Variants in NDUFS4 observed in about 807,000 individuals in gnomAD.
NDUFS4 encodes the protein NADH:ubiquinone oxidoreductase subunit S4, also known as NADH dehydrogenase [ubiquinone] iron-sulfur protein 4, mitochondrial.
A neutral mutation model predicts 24.3 loss-of-function variants in NDUFS4; 28 were observed. The ratio of observed to expected loss-of-function variants is 1.15; its 90% CI spans 0.85 to 1.58. The LOEUF (loss-of-function observed/expected upper bound fraction) is 1.58. Among genes scored for constraint, NDUFS4 ranks in the 40% most tolerant of loss-of-function variants. The pLI is 0.00. For synonymous variants in NDUFS4, 93 were observed against 69.7 expected (o/e 1.34, Z -1.67); for missense variants, 223 against 207.9 (o/e 1.07, Z -0.45).
rs556664568 is a variant in NDUFS4, at chr5:53,654,078, A to G, written c.351-4473A>G. Among the ~76,000 whole-genome samples the G allele has an allele frequency of 3.3e-5, 5 of 152,222 alleles. No homozygotes were observed. In the East Asian group the frequency reaches 9.7e-4, roughly 29 times the overall value. On this transcript the variant is annotated intron_variant, in intron 3 of 4. Transcript: ENST00000296684. ...GCTAGAATTTGCAAAGTTGAGTATC[A>G]TTCATGATATTCAACATCCTTATTC...
intron 1 of NDUFS4, among the ~76,000 whole-genome samples, chr5:53,564,338 T>C (rs1748952097): frequency 6.6e-6 from 1 of 152,214 alleles, no homozygotes; most frequent in Non-Finnish European, 1.5e-5. Flanking sequence ...TCACTTCTAC[T>C]TCAGATAAAC....
intron 2 of NDUFS4, among the ~76,000 whole-genome samples, chr5:53,616,549 G>A (rs1260029241): frequency 6.6e-6 from 1 of 152,010 alleles, no homozygotes; most frequent in East Asian, 1.9e-4. Context: ...TTTGAGTAAA[G>A]GGAAAAGCTA....
At chr5:53,638,600 C>G (rs906091672) in intron 2 of NDUFS4, among the ~76,000 whole-genome samples, 6 of 151,994 alleles carry the variant, frequency 3.9e-5, no homozygotes, top group Non-Finnish European at 8.8e-5. Flanking sequence ...CTATCAGGTA[C>G]TATGCTTAGT....
intron 2 of NDUFS4, among the ~76,000 whole-genome samples, chr5:53,644,168 G>T (rs1336179337): frequency 6.6e-6 from 1 of 152,106 alleles, no homozygotes; most frequent in Non-Finnish European, 1.5e-5. Flanking sequence ...ATGCATCACA[G>T]TATAGAAGTA....
intron 1 of NDUFS4, among the ~76,000 whole-genome samples, chr5:53,602,509 C>T (rs931523364): frequency 6.6e-6 from 1 of 151,972 alleles, no homozygotes; most frequent in African/African-American, 2.4e-5. Flanking sequence ...TGGCTGTGTA[C>T]ACATTATCAA....
intron 4 of NDUFS4, among the ~76,000 whole-genome samples, chr5:53,664,735 AT>A (rs556584111): frequency 1.3e-5 from 2 of 151,632 alleles, no homozygotes; most frequent in Non-Finnish European, 2.9e-5. Context: ...CATTTGTCTA[AT>A]TTTTTTTCAA....
At chr5:53,632,484 G>T (rs1312667811) in intron 2 of NDUFS4, among the ~76,000 whole-genome samples, 1 of 152,102 alleles carries the variant, frequency 6.6e-6, no homozygotes, top group African/African-American at 2.4e-5. Context: ...GACAAAGACT[G>T]TGCAGATTTC....
chr5:53,628,321 T>C (rs934415388), intron 2 of NDUFS4, among the ~76,000 whole-genome samples: 7 of 152,186 alleles, frequency 4.6e-5, no homozygotes, highest in Non-Finnish European at 1.0e-4. Context: ...ATGTTCATCA[T>C]GGGTATTGGC....
chr5:53,643,005 A>G (rs965351424), intron 2 of NDUFS4, among the ~76,000 whole-genome samples: 3 of 152,120 alleles, frequency 2.0e-5, no homozygotes, highest in African/African-American at 7.2e-5. Context: ...CTTTATTAGG[A>G]TAATGACATT....
chr5:53,651,236 G>A (rs557337040), intron 3 of NDUFS4, among the ~76,000 whole-genome samples: 100 of 151,960 alleles, frequency 6.6e-4, no homozygotes, highest in African/African-American at 2.4e-3. Context: ...TTAGAACAGA[G>A]AATTGCTACT....
intron 2 of NDUFS4, among the ~76,000 whole-genome samples, chr5:53,620,641 G>A (rs1159245446): frequency 1.3e-5 from 2 of 152,116 alleles, no homozygotes; most frequent in Non-Finnish European, 2.9e-5. Context: ...AGGAAGTTAT[G>A]AAACTTTCTA....
intron 2 of NDUFS4, among the ~76,000 whole-genome samples, chr5:53,641,930 T>C (rs1441393036): frequency 6.6e-6 from 1 of 152,116 alleles, no homozygotes; most frequent in Non-Finnish European, 1.5e-5. Flanking sequence ...GTAGAACAAG[T>C]TTCTATAAAC....
At chr5:53,657,711 G>A (rs983021467) in intron 3 of NDUFS4, among the ~76,000 whole-genome samples, 1 of 151,992 alleles carries the variant, frequency 6.6e-6, no homozygotes, top group Admixed American at 6.6e-5. Flanking sequence ...GATCACTTGA[G>A]GTCAGGAGTT....
rs958177845 is a variant in NDUFS4 at position 53,648,846 on chromosome 5, T to A, written c.350+2441T>A. On this transcript the variant is annotated intron_variant, in intron 3 of 4. Coordinates refer to ENST00000296684, the MANE Select transcript of NDUFS4 (RefSeq NM_002495.4). ...AGGAGAATACTTTGAGACCATTTTT[T>A]TTTCCTTACAAAAACACAATATCCC... Among the ~76,000 whole-genome samples the A allele has an allele frequency of 6.6e-5, 10 of 152,288 alleles. No homozygotes were observed. In the South Asian group the frequency reaches 2.1e-3, roughly 32 times the overall value.
At chr5:53,674,763 T>C (rs905052353) in intron 4 of NDUFS4, among the ~76,000 whole-genome samples, 14 of 152,204 alleles carry the variant, frequency 9.2e-5, no homozygotes, top group African/African-American at 3.4e-4. Context: ...TGGTTAATTG[T>C]AAGTTTACAT....
intron 1 of NDUFS4, among the ~76,000 whole-genome samples, chr5:53,584,397 C>A (rs997836836): frequency 1.3e-5 from 2 of 152,012 alleles, no homozygotes; most frequent in Admixed American, 6.5e-5. Flanking sequence ...GCCTTATCAC[C>A]CAGGCTGGAG....
chr5:53,662,226 A>T (rs1278708654), intron 4 of NDUFS4, among the ~76,000 whole-genome samples: 1 of 152,164 alleles, frequency 6.6e-6, no homozygotes, highest in African/African-American at 2.4e-5. Context: ...AATTTTGTCA[A>T]AGGCCTTTTC....
intron 4 of NDUFS4, among the ~76,000 whole-genome samples, chr5:53,679,117 CTTTAGT>C (rs1740570067): frequency 6.6e-6 from 1 of 152,118 alleles, no homozygotes; most frequent in African/African-American, 2.4e-5. Flanking sequence ...TGGATTCTTA[CTTTAGT>C]TTTAGTCTCT....
intron 1 of NDUFS4, among the ~76,000 whole-genome samples, chr5:53,594,055 C>T (rs540246475): frequency 2.6e-5 from 4 of 152,192 alleles, no homozygotes; most frequent in African/African-American, 9.6e-5. Flanking sequence ...CCAGTTATAT[C>T]CAGTTAATTG....
Sources: gnomAD v4.1 joint callset for allele counts (sites outside exome capture counted in the v4.1 genomes callset) on GRCh38, gnomAD v4.1.1 for gene constraint, MANE v1.5 for transcripts, NCBI Gene and HGNC (gene_info 2026-07-23, HGNC 2026-07-21) for gene names.